The following RBMS3 variants were observed in gnomAD, a reference collection of about 807,000 sequenced individuals.
The protein encoded by RBMS3 is RNA-binding motif, single-stranded-interacting protein 3.
Under a neutral mutation model 66.8 loss-of-function variants are expected in RBMS3, and 27 were observed. The ratio of observed to expected loss-of-function variants is 0.40; its 90% CI spans 0.30 to 0.56. The LOEUF is 0.56. Among genes scored for constraint, RBMS3 ranks in the 20% least tolerant of loss-of-function variants. The probability of loss-of-function intolerance (pLI) is 0.40; values close to 1 mark genes in which losing one functional copy is unlikely to be tolerated. For missense variants in RBMS3, 513 were observed against 549.5 expected (o/e 0.93, Z 0.66); for synonymous variants, 188 against 183.0 (o/e 1.03, Z -0.22).
At chr3:29,808,713 T>A (rs1332412394) in intron 6 of RBMS3, among the ~76,000 whole-genome samples, 2 of 151,972 alleles carry the variant, frequency 1.3e-5, no homozygotes, top group South Asian at 4.1e-4. Context: ...ATATGCTTCA[T>A]CCTGTCACCT....
chr3:29,738,252 A>T lies in RBMS3; in HGVS notation c.400-1468A>T, dbSNP rs184637476. Among the ~76,000 whole-genome samples the T allele has an allele frequency of 2.2e-3, 335 of 152,328 alleles. 2 individuals carry two copies. Among genetic ancestry groups the T allele is most frequent in the African/African-American group, 7.6e-3 (316 of 41,586 alleles). On this transcript the variant is annotated intron_variant, in intron 4 of 14. Transcript: ENST00000383767. Reference sequence around the variant, plus strand: ...ATAATATGATATCTTTTCACAAAAGATATTTTACTGTTACATAATACCATT... The same window carrying T: ...ATAATATGATATCTTTTCACAAAAGTTATTTTACTGTTACATAATACCATT...
chr3:29,792,550 A>G (rs1032693295), intron 6 of RBMS3, among the ~76,000 whole-genome samples: 9 of 152,112 alleles, frequency 5.9e-5, no homozygotes, highest in Non-Finnish European at 1.0e-4. Flanking sequence ...TCAGAATCCC[A>G]CCTGTACCAC....
chr3:29,663,613 T>G (rs1389546504), intron 4 of RBMS3, among the ~76,000 whole-genome samples: 1 of 152,158 alleles, frequency 6.6e-6, no homozygotes, highest in Non-Finnish European at 1.5e-5. Flanking sequence ...TAAGAGGCAA[T>G]TTGGGGAGCT....
At chr3:29,357,401 G>A (rs990326835) in intron 1 of RBMS3, among the ~76,000 whole-genome samples, 1 of 152,168 alleles carries the variant, frequency 6.6e-6, no homozygotes, top group Non-Finnish European at 1.5e-5. Flanking sequence ...TAGCAGCAAA[G>A]TATTCCATGG....
chr3:29,809,673 C>G lies in RBMS3; in HGVS notation c.637+46684C>G, dbSNP rs141520574. Among the ~76,000 whole-genome samples, 592 of 152,004 alleles carry G rather than the reference C, an allele frequency of 3.9e-3. 8 individuals are homozygous for G. Among genetic ancestry groups the G allele is most frequent in the Non-Finnish European group, 4.7e-3 (316 of 67,872 alleles). On this transcript the variant is annotated intron_variant, in intron 6 of 14. Coordinates refer to ENST00000383767, the MANE Select transcript of RBMS3 (RefSeq NM_001003793.3). ...TTTGCTCTTGCAAGGCTGTCACTAT[C>G]TTCTCACAGATTTTTTTTTAGGAAT...
At chr3:29,940,915 A>T (rs1372303512) in intron 11 of RBMS3, among the ~76,000 whole-genome samples, 1 of 151,832 alleles carries the variant, frequency 6.6e-6, no homozygotes, top group Non-Finnish European at 1.5e-5. Flanking sequence ...ATAACTTCTT[A>T]TCACTTTATT....
At chr3:29,967,574 CGT>C (rs1313200146) in intron 12 of RBMS3, among the ~76,000 whole-genome samples, 2 of 152,136 alleles carry the variant, frequency 1.3e-5, no homozygotes, top group Non-Finnish European at 2.9e-5. Flanking sequence ...GGATTACAGG[CGT>C]GAGCCACTGT....
chr3:29,339,508 A>G (rs1390326496), intron 1 of RBMS3, among the ~76,000 whole-genome samples: 2 of 152,088 alleles, frequency 1.3e-5, no homozygotes, highest in Non-Finnish European at 2.9e-5. Context: ...GCAAAGGATC[A>G]GGAGAGCTTT....
At chr3:29,540,740 C>T (rs1241763830) in intron 3 of RBMS3, among the ~76,000 whole-genome samples, 1 of 152,140 alleles carries the variant, frequency 6.6e-6, no homozygotes, top group African/African-American at 2.4e-5. Context: ...GGACTTTCCC[C>T]TTTATGCCAA....
intron 1 of RBMS3, among the ~76,000 whole-genome samples, chr3:29,380,078 A>G (rs1019301019): frequency 2.0e-5 from 3 of 152,034 alleles, no homozygotes; most frequent in African/African-American, 7.2e-5. Flanking sequence ...GCAAGAAGAG[A>G]AAAGGGGAAG....
intron 1 of RBMS3, among the ~76,000 whole-genome samples, chr3:29,361,962 A>C (rs1291427107): frequency 6.6e-6 from 1 of 152,094 alleles, no homozygotes; most frequent in East Asian, 1.9e-4. Flanking sequence ...ATCTTTTTTC[A>C]AGGTTTTTAA....
intron 3 of RBMS3, among the ~76,000 whole-genome samples, chr3:29,572,397 A>G (rs2371696): frequency 0.83 from 126,576 of 152,114 alleles, 53,377 homozygotes; most frequent in East Asian, 1. Context: ...AATACTAGTC[A>G]TGGGTCTGTC....
At chr3:29,881,143 AC>A (rs1373186080) in intron 7 of RBMS3, among the ~76,000 whole-genome samples, 3 of 151,570 alleles carry the variant, frequency 2.0e-5, no homozygotes, top group Non-Finnish European at 2.9e-5. Context: ...TTATTTACAC[AC>A]CTTTTTCCAT....
At chr3:29,677,171 C>T (rs1018571694) in intron 4 of RBMS3, among the ~76,000 whole-genome samples, 1 of 152,064 alleles carries the variant, frequency 6.6e-6, no homozygotes, top group Non-Finnish European at 1.5e-5. Flanking sequence ...TGAGAAACCA[C>T]CCTCATAATC....
intron 4 of RBMS3, among the ~76,000 whole-genome samples, chr3:29,611,070 C>G (rs1160718647): frequency 1.3e-5 from 2 of 151,988 alleles, no homozygotes; most frequent in African/African-American, 2.4e-5. Context: ...TATGCCAAGC[C>G]AAACATGAAT....
intron 3 of RBMS3, among the ~76,000 whole-genome samples, chr3:29,567,531 G>A (rs749379725): frequency 2.0e-5 from 3 of 152,112 alleles, no homozygotes. Flanking sequence ...AGAGAGTCCA[G>A]TGGTAGAATC....
At chr3:29,828,948 T>C (rs2058279990) in intron 6 of RBMS3, among the ~76,000 whole-genome samples, 1 of 152,182 alleles carries the variant, frequency 6.6e-6, no homozygotes, top group African/African-American at 2.4e-5. Flanking sequence ...AATGTGTGTC[T>C]TTGGCATCCA....
intron 2 of RBMS3, among the ~76,000 whole-genome samples, chr3:29,447,805 C>T (rs758379621): frequency 2.0e-5 from 3 of 152,174 alleles, no homozygotes; most frequent in African/African-American, 4.8e-5. Flanking sequence ...AATGTCCTTT[C>T]GAGCTCCTGT....
At chr3:29,304,129 C>G (rs1369835607) in intron 1 of RBMS3, among the ~76,000 whole-genome samples, 5 of 151,826 alleles carry the variant, frequency 3.3e-5, no homozygotes, top group Non-Finnish European at 5.9e-5. Flanking sequence ...ACATAGAGAA[C>G]TCAGTATTTG....
Sources: allele counts gnomAD v4.1 joint callset (sites outside exome capture counted in the v4.1 genomes callset), GRCh38; gene constraint gnomAD v4.1.1; transcripts MANE v1.5; gene names NCBI Gene and HGNC (gene_info 2026-07-23, HGNC 2026-07-21).